The following BAIAP2 variants were observed in gnomAD, a reference collection of about 807,000 sequenced individuals.
The protein encoded by BAIAP2 is BAR/IMD domain containing adaptor protein 2, also known as BAR/IMD domain-containing adapter protein 2.
A neutral mutation model predicts 63.0 loss-of-function variants in BAIAP2; 18 were observed. That is an observed-to-expected ratio of 0.29 (90% CI 0.20 to 0.42). The LOEUF (loss-of-function observed/expected upper bound fraction) is 0.42. Among genes scored for constraint, BAIAP2 ranks in the 10% least tolerant of loss-of-function variants. BAIAP2 has a pLI of 1.00. For synonymous variants in BAIAP2, 386 were observed against 307.6 expected (o/e 1.25, Z -2.67); for missense variants, 610 against 734.3 (o/e 0.83, Z 1.96).
chr17:81,068,922 C>T lies in BAIAP2; in HGVS notation c.217+10955C>T, dbSNP rs547587762. Among the ~76,000 whole-genome samples, 86 of 152,272 alleles carry T rather than the reference C, an allele frequency of 5.6e-4. 1 individual carries two copies. Among genetic ancestry groups the T allele is most frequent in the African/African-American group, 1.1e-3 (44 of 41,544 alleles). On this transcript the variant is annotated intron_variant, in intron 3 of 13. Transcript: ENST00000428708. ...AGACATGCTCCTGTGTGCCCGCTGCCGAGCTCCAGCTGCTCCAGGCTCCTC... is the reference window on the plus strand; with the variant it reads ...AGACATGCTCCTGTGTGCCCGCTGCTGAGCTCCAGCTGCTCCAGGCTCCTC...
chr17:81,104,228 G>T, intron 9 of BAIAP2, 120 bp downstream of exon 9: 1 of 1,118,700 alleles, frequency 8.9e-7, no homozygotes, highest in Non-Finnish European at 1.3e-6. Context: ...TTATGTGACC[G>T]TGTGTACCTA....
At chr17:81,082,301 C>T (rs542356142) in intron 3 of BAIAP2, among the ~76,000 whole-genome samples, 1 of 152,352 alleles carries the variant, frequency 6.6e-6, no homozygotes, top group South Asian at 2.1e-4. Context: ...CATGCACGCA[C>T]ATATGTGCTC....
chr17:81,090,574 A>G (rs545223351), intron 6 of BAIAP2, among the ~76,000 whole-genome samples: 3 of 152,366 alleles, frequency 2.0e-5, no homozygotes, highest in Admixed American at 1.3e-4. Flanking sequence ...TTTCGAAACA[A>G]CATTTTGGGG....
intron 13 of BAIAP2, chr17:81,108,966 A>G: frequency 6.5e-7 from 1 of 1,548,416 alleles, no homozygotes; most frequent in Non-Finnish European, 8.7e-7. Flanking sequence ...TTTGTTTCAC[A>G]GTGGCAGCGG....
chr17:81,049,145 G>A (rs575298920), intron 1 of BAIAP2, among the ~76,000 whole-genome samples: 56 of 152,376 alleles, frequency 3.7e-4, no homozygotes, highest in African/African-American at 1.3e-3. Flanking sequence ...CTCTGCACGC[G>A]CCGGGCTGCG....
intron 6 of BAIAP2, among the ~76,000 whole-genome samples, chr17:81,089,579 C>CT (rs2056350026): frequency 0.034 from 3 of 88 alleles, no homozygotes; most frequent in African/African-American, 0.11. Context: ...GCACCTGTTT[C>CT]CCAACGGCTG....
intron 6 of BAIAP2, among the ~76,000 whole-genome samples, chr17:81,093,523 A>G (rs1343417407): frequency 6.6e-6 from 1 of 152,040 alleles, no homozygotes; most frequent in Non-Finnish European, 1.5e-5. Flanking sequence ...GGAGGGAGAG[A>G]TGGCCCCGCA....
rs2060525069 is a variant in BAIAP2 at position 81,116,224 on chromosome 17, C to T, written c.*385C>T. ...CTGCCTAATAAACAGGCTTCTCCTG[C>T]ACCAGGTGTGATCTGTCCGCCCAAG... On this transcript the variant is annotated 3_prime_UTR_variant, in exon 14 of 14. Coordinates refer to ENST00000428708, the MANE Select transcript of BAIAP2 (RefSeq NM_001144888.2). 6.2e-7 allele frequency: 1 copy of T among 1,612,398 alleles called. No individual in the cohort carries two copies. Among genetic ancestry groups the T allele is most frequent in the African/African-American group, 1.3e-5 (1 of 74,938 alleles).
In BAIAP2 at chr17:81,103,490, C is replaced by T; in HGVS notation, c.643-12C>T. Reference sequence around the variant, plus strand: ...GGCCCTGACCCCTCCCTTCCTGCTGCTTCCACTTCAGGGCAAGGAGCTGCT... The same window carrying T: ...GGCCCTGACCCCTCCCTTCCTGCTGTTTCCACTTCAGGGCAAGGAGCTGCT... On this transcript the variant is annotated splice_polypyrimidine_tract_variant and intron_variant, in intron 7 of 13. Transcript: ENST00000428708. 6.4e-7 allele frequency: 1 copy of T among 1,553,320 alleles called. No individual in the cohort carries two copies. The highest frequency in any genetic ancestry group is 8.6e-7 in the Non-Finnish European group (1 of 1,156,782).
intron 6 of BAIAP2, among the ~76,000 whole-genome samples, chr17:81,092,275 A>G (rs2056902488): frequency 6.6e-6 from 1 of 152,192 alleles, no homozygotes; most frequent in Non-Finnish European, 1.5e-5. Flanking sequence ...GGGCGGCTTC[A>G]TGCTCCAGGG....
chr17:81,047,995 T>A (rs1410982331), intron 1 of BAIAP2, among the ~76,000 whole-genome samples: 1 of 152,168 alleles, frequency 6.6e-6, no homozygotes. Flanking sequence ...TGGGGGACAC[T>A]CTCTGTCAGC....
At chr17:81,051,636 C>A (rs1435892690) in intron 1 of BAIAP2, among the ~76,000 whole-genome samples, 2 of 152,172 alleles carry the variant, frequency 1.3e-5, no homozygotes, top group African/African-American at 4.8e-5. Context: ...TCGTGATCCG[C>A]CTGCCTTGGC....
chr17:81,085,755 C>G (rs767205588), intron 5 of BAIAP2, 30 bp downstream of exon 5: 1 of 1,587,672 alleles, frequency 6.3e-7, no homozygotes, highest in Non-Finnish European at 8.6e-7. Context: ...GCCTGCTGGG[C>G]CCTGTGCCTG....
At chr17:81,062,460 G>A (rs1202683622) in intron 3 of BAIAP2, among the ~76,000 whole-genome samples, 4 of 152,096 alleles carry the variant, frequency 2.6e-5, no homozygotes, top group Admixed American at 1.3e-4. Flanking sequence ...GCGCCATCAC[G>A]AATTTCTCCC....
intron 6 of BAIAP2, among the ~76,000 whole-genome samples, chr17:81,088,986 G>A (rs1382830802): frequency 1.3e-5 from 2 of 152,240 alleles, no homozygotes; most frequent in Non-Finnish European, 2.9e-5. Flanking sequence ...CTGGTTTTCA[G>A]GTGCCCTGCC....
chr17:81,108,618 C>T, intron 13 of BAIAP2, 109 bp downstream of exon 13: 2 of 1,402,496 alleles, frequency 1.4e-6, no homozygotes, highest in Non-Finnish European at 2.0e-6. Context: ...CTTTAGGGCC[C>T]AGCCTGGCCC....
At chr17:81,104,834 T>G (rs2058931066) in intron 10 of BAIAP2, 119 bp downstream of exon 10, 1 of 1,114,662 alleles carries the variant, frequency 9.0e-7, no homozygotes, top group East Asian at 2.6e-5. Context: ...TTGCGGGTCC[T>G]CGCCGTAGAA....
chr17:81,105,289 C>G (rs2059039226), intron 10 of BAIAP2: 2 of 158,120 alleles, frequency 1.3e-5, no homozygotes, highest in Non-Finnish European at 2.8e-5. Context: ...CCCTGTGCCA[C>G]TCAGATTGCC....
chr17:81,080,680 C>T (rs1238956332), intron 3 of BAIAP2, among the ~76,000 whole-genome samples: 1 of 152,178 alleles, frequency 6.6e-6, no homozygotes, highest in Admixed American at 6.5e-5. Context: ...GGAACACGTG[C>T]TTGTTATCTG....
Sources: allele counts gnomAD v4.1 joint callset (sites outside exome capture counted in the v4.1 genomes callset), GRCh38; gene constraint gnomAD v4.1.1; transcripts MANE v1.5; gene names NCBI Gene and HGNC (gene_info 2026-07-23, HGNC 2026-07-21).